SYT1: variants seen among roughly 807,000 people sequenced by gnomAD.
SYT1 encodes synaptotagmin 1.
A neutral mutation model predicts 44.8 loss-of-function variants in SYT1; 8 were observed. The observed-to-expected ratio is 0.18, with a 90% CI of 0.10 to 0.32. SYT1 has a LOEUF of 0.32. SYT1 is among the 10% of genes least tolerant of loss of function. SYT1 has a pLI of 1.00. For synonymous variants in SYT1, 154 were observed against 188.8 expected (o/e 0.82, Z 1.51); for missense variants, 286 against 509.3 (o/e 0.56, Z 4.22).
chr12:78,880,948 TCA>T, intron 1 of SYT1, among the ~76,000 whole-genome samples: 2 of 151,776 alleles, frequency 1.3e-5, no homozygotes, highest in South Asian at 4.1e-4. Flanking sequence ...TTCTCTAATC[TCA>T]CACTAATTAT....
intron 1 of SYT1, among the ~76,000 whole-genome samples, chr12:78,939,766 C>G (rs891716956): frequency 2.0e-5 from 3 of 152,168 alleles, no homozygotes; most frequent in Non-Finnish European, 4.4e-5. Context: ...ACATTGGCAT[C>G]ATGAAACTAT....
intron 9 of SYT1, among the ~76,000 whole-genome samples, chr12:79,427,342 G>A (rs1439997357): frequency 1.3e-5 from 2 of 152,114 alleles, no homozygotes; most frequent in Non-Finnish European, 2.9e-5. Flanking sequence ...AATTCTTATG[G>A]GCCTGTGCCC....
intron 3 of SYT1, among the ~76,000 whole-genome samples, chr12:79,116,743 C>A (rs1879298416): frequency 6.6e-6 from 1 of 152,194 alleles, no homozygotes; most frequent in Admixed American, 6.5e-5. Flanking sequence ...TATAGGATAA[C>A]TATTTGCTGT....
chr12:78,917,132 C>A (rs934434620), intron 1 of SYT1, among the ~76,000 whole-genome samples: 1 of 151,990 alleles, frequency 6.6e-6, no homozygotes, highest in Non-Finnish European at 1.5e-5. Context: ...AAAGAAAGTT[C>A]TTTCCTATAT....
chr12:79,167,135 A>T (rs893757795), intron 3 of SYT1, among the ~76,000 whole-genome samples: 2 of 152,042 alleles, frequency 1.3e-5, no homozygotes, highest in African/African-American at 4.8e-5. Flanking sequence ...AAGGATTGAG[A>T]ATTGAACTGA....
At chr12:79,146,197 C>G (rs540734249) in intron 3 of SYT1, among the ~76,000 whole-genome samples, 1 of 152,262 alleles carries the variant, frequency 6.6e-6, no homozygotes, top group African/African-American at 2.4e-5. Flanking sequence ...ATCTTTCAGC[C>G]CTAAACATAT....
At chr12:79,074,986 A>G (rs559072317) in intron 3 of SYT1, among the ~76,000 whole-genome samples, 38 of 152,182 alleles carry the variant, frequency 2.5e-4, no homozygotes, top group Non-Finnish European at 4.6e-4. Context: ...TGAAGTCCTG[A>G]AACAAAAATA....
chr12:79,276,487 C>A (rs573348184), intron 4 of SYT1, among the ~76,000 whole-genome samples: 3 of 151,866 alleles, frequency 2.0e-5, no homozygotes, highest in Non-Finnish European at 4.4e-5. Context: ...ACCATCCTGG[C>A]CAACATGGTG....
intron 3 of SYT1, among the ~76,000 whole-genome samples, chr12:79,048,575 T>G (rs1874242622): frequency 6.6e-6 from 1 of 151,960 alleles, no homozygotes; most frequent in Admixed American, 6.6e-5. Context: ...GTTGTAGTTA[T>G]GAACGGCCAT....
At chr12:79,091,758 A>G (rs1877790530) in intron 3 of SYT1, among the ~76,000 whole-genome samples, 1 of 152,008 alleles carries the variant, frequency 6.6e-6, no homozygotes, top group African/African-American at 2.4e-5. Flanking sequence ...GAACAGAGCT[A>G]GAATCTAATA....
At chr12:79,145,820 G>C (rs1039456708) in intron 3 of SYT1, among the ~76,000 whole-genome samples, 27 of 151,152 alleles carry the variant, frequency 1.8e-4, no homozygotes, top group South Asian at 8.3e-4. Context: ...TGCAGTGGCG[G>C]GATCTCGGCT....
chr12:79,270,509 T>C (rs941623060), intron 4 of SYT1, among the ~76,000 whole-genome samples: 15 of 152,220 alleles, frequency 9.9e-5, no homozygotes. Flanking sequence ...TACAAGCTTA[T>C]ATTTTTCCAG....
At chr12:79,178,742 C>G (rs1381131567) in intron 3 of SYT1, among the ~76,000 whole-genome samples, 1 of 151,154 alleles carries the variant, frequency 6.6e-6, no homozygotes, top group Non-Finnish European at 1.5e-5. Context: ...ATCACATCTC[C>G]CACTGTCAAA....
intron 9 of SYT1, among the ~76,000 whole-genome samples, chr12:79,427,446 C>T (rs1467102511): frequency 6.6e-6 from 1 of 152,124 alleles, no homozygotes; most frequent in Non-Finnish European, 1.5e-5. Context: ...TCATTGAGGA[C>T]CCACTGTGTG....
intron 2 of SYT1, among the ~76,000 whole-genome samples, chr12:79,005,578 A>G (rs1592653655): frequency 6.6e-6 from 1 of 152,082 alleles, no homozygotes; most frequent in African/African-American, 2.4e-5. Flanking sequence ...GCCCTTCAGA[A>G]GTGATTTTAT....
At chr12:79,058,080 G>A (rs576797143) in intron 3 of SYT1, among the ~76,000 whole-genome samples, 3 of 152,124 alleles carry the variant, frequency 2.0e-5, no homozygotes, top group African/African-American at 7.2e-5. Context: ...ACAATTATTA[G>A]TGTGTTTTTT....
chr12:79,395,497 G>A (rs962144674), intron 9 of SYT1, among the ~76,000 whole-genome samples: 4 of 152,162 alleles, frequency 2.6e-5, no homozygotes, highest in African/African-American at 9.7e-5. Flanking sequence ...GGGATTACAG[G>A]TGTGAGCCAC....
intron 5 of SYT1, chr12:79,291,690 A>G: frequency 2.2e-6 from 1 of 451,272 alleles, no homozygotes; most frequent in African/African-American, 2.0e-5. Context: ...TTTCCTCTGA[A>G]AGCAGCAGTT....
rs758243375 is a variant in SYT1, at chr12:79,007,140, C to T, written c.-84+29209C>T. 1.2e-4 allele frequency among the ~76,000 whole-genome samples: 19 copies of T among 152,206 alleles called. 1 individual carries two copies. In the Middle Eastern group the frequency reaches 0.031, roughly 245 times the overall value. On this transcript the variant is annotated intron_variant, in intron 2 of 10. Transcript: ENST00000261205. ...AGGCATGACAGCCAGCCAGGAGAAA[C>T]TGGGCATAGAGGAGAAGCAAATCTC...
Sources: gnomAD v4.1 joint callset for allele counts (sites outside exome capture counted in the v4.1 genomes callset) on GRCh38, gnomAD v4.1.1 for gene constraint, MANE v1.5 for transcripts, NCBI Gene and HGNC (gene_info 2026-07-23, HGNC 2026-07-21) for gene names.